TMEM59L: variants seen among roughly 807,000 people sequenced by gnomAD.
TMEM59L encodes the protein transmembrane protein 59-like.
In TMEM59L, 31 loss-of-function variants were observed where a neutral mutation model predicts 39.6. The observed-to-expected ratio is 0.78, with a 90% CI of 0.59 to 1.06. TMEM59L has a LOEUF of 1.06. TMEM59L is among the 50% of genes least tolerant of loss of function. The pLI, the probability that TMEM59L is intolerant of heterozygous loss-of-function variation, is 0.00. For synonymous variants in TMEM59L, 219 were observed against 202.9 expected (o/e 1.08, Z -0.68); for missense variants, 441 against 451.3 (o/e 0.98, Z 0.21).
chr19:18,616,376 T>G (rs917649864), intron 4 of TMEM59L, among the ~76,000 whole-genome samples: 2 of 140,408 alleles, frequency 1.4e-5, no homozygotes, highest in Non-Finnish European at 3.1e-5. Flanking sequence ...TTACAAACGC[T>G]GTGGTTTTTT....
chr19:18,616,954 G>T, intron 4 of TMEM59L, 46 bp from the exon 5 acceptor site: 1 of 1,456,842 alleles, frequency 6.9e-7, no homozygotes. Context: ...GGGCCCAGGG[G>T]TGCTGTTCTC....
At chr19:18,617,795 A>G in intron 5 of TMEM59L, 1 of 396,560 alleles carries the variant, frequency 2.5e-6, no homozygotes, top group Non-Finnish European at 4.7e-6. Flanking sequence ...CCAGGGTTCC[A>G]TGGGTTCATC....
intron 3 of TMEM59L, among the ~76,000 whole-genome samples, chr19:18,615,401 C>G (rs57263982): frequency 0.068 from 10,317 of 152,304 alleles, 457 homozygotes; most frequent in Non-Finnish European, 0.096. Context: ...CAGGCATCCT[C>G]TAGTTGAAAT....
At chr19:18,618,874 T>G in intron 7 of TMEM59L, among the ~76,000 whole-genome samples, 1 of 151,566 alleles carries the variant, frequency 6.6e-6, no homozygotes. Flanking sequence ...TTTGTATTTT[T>G]AGTAGAGACG....
chr19:18,620,578 C>T lies in TMEM59L; in HGVS notation c.*42C>T, dbSNP rs753938448. 2.0e-5 allele frequency: 32 copies of T among 1,601,176 alleles called. No homozygotes were observed. Among genetic ancestry groups the T allele is most frequent in the East Asian group, 6.7e-5 (3 of 44,622 alleles). ...TCACTGCCAACTGCAGGGGGCCCCTCGGGCCTCACTTGCCCTGAGCCCAGG... is the reference window on the plus strand; with the variant it reads ...TCACTGCCAACTGCAGGGGGCCCCTTGGGCCTCACTTGCCCTGAGCCCAGG... On this transcript the variant is annotated 3_prime_UTR_variant, in exon 8 of 8. Transcript: ENST00000262817.
chr19:18,616,195 T>C, intron 4 of TMEM59L, 68 bp downstream of exon 4: 3 of 1,588,496 alleles, frequency 1.9e-6, no homozygotes, highest in Non-Finnish European at 8.6e-7. Flanking sequence ...ATGGGATGCA[T>C]TGGCTCTTAG....
chr19:18,618,593 A>G, intron 7 of TMEM59L, 101 bp downstream of exon 7: 1 of 1,012,338 alleles, frequency 9.9e-7, no homozygotes, highest in Non-Finnish European at 1.4e-6. Context: ...CATGGAGGCC[A>G]GGACCTCAGA....
At chr19:18,613,210 G>A (rs1976389472) in intron 1 of TMEM59L, 81 bp downstream of exon 1, 1 of 1,232,042 alleles carries the variant, frequency 8.1e-7, no homozygotes, top group Non-Finnish European at 1.0e-6. Context: ...GGCTTCTCTT[G>A]GATGACAGCA....
chr19:18,616,953 G>T, intron 4 of TMEM59L, 47 bp from the exon 5 acceptor site: 1 of 1,447,682 alleles, frequency 6.9e-7, no homozygotes, highest in Non-Finnish European at 9.5e-7. Flanking sequence ...TGGGCCCAGG[G>T]GTGCTGTTCT....
At chr19:18,613,834 T>C in intron 1 of TMEM59L, 38 bp from the exon 2 acceptor site, 17 of 896,512 alleles carry the variant, frequency 1.9e-5, no homozygotes, top group Non-Finnish European at 2.0e-5. Context: ...CTCCTGCCCC[T>C]CCCCATGGCC....
chr19:18,617,959 G>T, intron 5 of TMEM59L, 196 bp from the exon 6 acceptor site: 1 of 614,370 alleles, frequency 1.6e-6, no homozygotes, highest in East Asian at 2.7e-5. Flanking sequence ...CCCCAGGGTT[G>T]CATGGTTCAT....
At position 18,614,174 on chromosome 19, in the gene TMEM59L, G is replaced by T; in HGVS notation, c.387G>T (p.Ala129=). The change falls in exon 3 of 8, where the codon GCG becomes GCT. Residue 129 remains alanine (A), a synonymous_variant. Coordinates refer to ENST00000262817, the MANE Select transcript of TMEM59L (RefSeq NM_012109.3). ...ACSHGCWSQP[A]EPEPEQKRKV... ...GCCACGGCTGCTGGAGCCAGCCCGCGGAGCCTGAGCCGGAGCAGAAGGTGG... is the reference window on the plus strand; with the variant it reads ...GCCACGGCTGCTGGAGCCAGCCCGCTGAGCCTGAGCCGGAGCAGAAGGTGG... 6.2e-7 allele frequency: 1 copy of T among 1,604,766 alleles called. No homozygotes were observed. The highest frequency in any genetic ancestry group is 2.2e-5 in the East Asian group (1 of 44,632).
At position 18,620,844 on chromosome 19, in the gene TMEM59L, T is replaced by G; in HGVS notation, c.*308T>G. ...AGTCCTGTGTCACCTTCCTTTTTCC[T>G]TCTATGTCCCCTCTCTGCGGGGGGG... On this transcript the variant is annotated 3_prime_UTR_variant, in exon 8 of 8. Transcript: ENST00000262817. 1 of 198,648 alleles carries G rather than the reference T, an allele frequency of 5.0e-6. No homozygotes were observed. 12.3% of individuals were successfully genotyped at this position (198,648 alleles called of 1,614,324 possible).
rs113822862 is a variant in TMEM59L at position 18,617,372 on chromosome 19, C to G, written c.664+270C>G. ...TTCCATGGTCTATTTACCAGGGATC[C>G]GTGGTCCACCTCTCAGGGTTCCGTG... On this transcript the variant is annotated intron_variant, in intron 5 of 7. Transcript: ENST00000262817. 1.5e-3 allele frequency: 833 copies of G among 559,934 alleles called. 12 individuals carry two copies. Among genetic ancestry groups the G allele is most frequent in the African/African-American group, 0.013 (712 of 53,132 alleles). The allele number at this position is 559,934 out of a possible 1,614,324, so 34.7% of individuals were successfully genotyped here. A position where few individuals can be genotyped will look rare whatever the true frequency, so the allele number is the denominator to read the frequency against.
chr19:18,613,007 T>C lies in TMEM59L; in HGVS notation c.49T>C (p.Leu17=). ...ACCGCCGCTGCTGCTGCTGCTGCTGTTGGCGTCGCCGCCCGCCGCCTCCGC... is the reference window on the plus strand; with the variant it reads ...ACCGCCGCTGCTGCTGCTGCTGCTGCTGGCGTCGCCGCCCGCCGCCTCCGC... The part of the protein sequence containing the change: ...MPPPLLLLLL[L]ASPPAASAPS... The change falls in exon 1 of 8, where the codon TTG becomes CTG. Residue 17 remains leucine, a synonymous_variant. Transcript: ENST00000262817. The C allele has an allele frequency of 1.4e-6, 2 of 1,382,306 alleles. No homozygotes were observed. Among genetic ancestry groups the C allele is most frequent in the Non-Finnish European group, 1.9e-6 (2 of 1,070,362 alleles). The allele number at this position is 1,382,306 out of a possible 1,614,324, so 85.6% of individuals were successfully genotyped here. A position where few individuals can be genotyped will look rare whatever the true frequency, so the allele number is the denominator to read the frequency against.
chr19:18,618,547 A>T, intron 7 of TMEM59L, 55 bp downstream of exon 7: 1 of 1,540,218 alleles, frequency 6.5e-7, no homozygotes. Flanking sequence ...AGGCAGAGAG[A>T]GCTGTTTGCT....
At chr19:18,618,705 T>TA (rs1281155249) in intron 7 of TMEM59L, among the ~76,000 whole-genome samples, 400 of 86,132 alleles carry the variant, frequency 4.6e-3, no homozygotes, top group East Asian at 0.017. Context: ...TATATATATA[T>TA]TTTTTTTGAG....
chr19:18,618,217 G>A lies in TMEM59L; in HGVS notation c.727G>A (p.Ala243Thr), dbSNP rs746627149. 6.3e-6 allele frequency: 10 copies of A among 1,595,900 alleles called. No individual in the cohort carries two copies. The South Asian group carries it at 1.1e-4, about 18-fold the overall frequency. Residue 243 changes from alanine to threonine, a missense_variant, in exon 6 of 8, where the codon GCC becomes ACC. Ala to Thr is a moderately conservative substitution (Grantham distance 58, BLOSUM62 0). Coordinates refer to ENST00000262817, the MANE Select transcript of TMEM59L (RefSeq NM_012109.3). ...GATCCGAGTCAAGACCAGCAGCAAG[G>A]CCAAGGTGGAGTCTGAAGAGCCACA... ...AKIRVKTSSK[A>T]KVESEEPQDN...
At position 18,612,929 on chromosome 19, in the gene TMEM59L, T is replaced by TCCCCCGCGC; in HGVS notation, c.-21_-13dup. On this transcript the variant is annotated 5_prime_UTR_variant, in exon 1 of 8. Transcript: ENST00000262817. The surrounding 1 kb of genome is among the most constrained non-coding windows in gnomAD (Gnocchi z 6.2). The stretch of plus-strand genomic sequence containing the variant: ...CCTCCGTGCCCGGCCTGAGCTGGAG[T>TCCCCCGCGC]CCCCCGCGCCCCCCGCGTTCCGCCC... 7.8e-7 allele frequency: 1 copy of TCCCCCGCGC among 1,278,714 alleles called. No homozygotes were observed. Among genetic ancestry groups the TCCCCCGCGC allele is most frequent in the Non-Finnish European group, 9.8e-7 (1 of 1,016,052 alleles). 79.2% of individuals were successfully genotyped at this position (1,278,714 alleles called of 1,614,324 possible).
Sources: allele counts gnomAD v4.1 joint callset (sites outside exome capture counted in the v4.1 genomes callset), GRCh38; gene constraint gnomAD v4.1.1; non-coding constraint Gnocchi (gnomAD v3.1); transcripts MANE v1.5; gene names NCBI Gene and HGNC (gene_info 2026-07-23, HGNC 2026-07-21).